The following DNAJA3 variants were observed in gnomAD, a reference collection of about 807,000 sequenced individuals.
DNAJA3 encodes DnaJ heat shock protein family (Hsp40) member A3.
DNAJA3 carries 29 observed loss-of-function variants against 54.9 expected under a neutral mutation model. The observed-to-expected ratio is 0.53, with a 90% CI of 0.39 to 0.72. The LOEUF is 0.72. DNAJA3 is among the 30% of genes least tolerant of loss of function. The probability of loss-of-function intolerance (pLI) is 0.00; values close to 1 mark genes in which losing one functional copy is unlikely to be tolerated. For synonymous variants in DNAJA3, 302 were observed against 251.4 expected (o/e 1.20, Z -1.90); for missense variants, 708 against 639.4 (o/e 1.11, Z -1.16).
At chr16:4,437,830 G>A (rs1467012858) in intron 3 of DNAJA3, among the ~76,000 whole-genome samples, 5 of 150,764 alleles carry the variant, frequency 3.3e-5, no homozygotes, top group Admixed American at 1.3e-4. Context: ...TGGCGCACCT[G>A]TAAACCCAGC....
intron 3 of DNAJA3, among the ~76,000 whole-genome samples, chr16:4,438,347 T>C (rs2056797682): frequency 6.6e-6 from 1 of 151,812 alleles, no homozygotes; most frequent in African/African-American, 2.4e-5. Flanking sequence ...GATCCAATAA[T>C]CTGTACTAAT....
chr16:4,442,631 G>GGGGGC, intron 5 of DNAJA3: 2 of 561,780 alleles, frequency 3.6e-6, no homozygotes, highest in Middle Eastern at 4.8e-4. Context: ...CAGCAGCTCC[G>GGGGGC]GGGGCGGGGC....
At chr16:4,430,697 T>C (rs1402353756) in intron 1 of DNAJA3, 1 of 152,120 alleles carries the variant, frequency 6.6e-6, no homozygotes, top group African/African-American at 2.4e-5. Flanking sequence ...AAATAAATAG[T>C]CTATTAAATG....
intron 2 of DNAJA3, 93 bp from the exon 3 acceptor site, chr16:4,437,309 G>T: frequency 9.7e-7 from 1 of 1,032,550 alleles, no homozygotes. Context: ...ATTATGACTG[G>T]TATTTGGGGT....
At chr16:4,440,645 A>G (rs2056827072) in intron 3 of DNAJA3, 1 of 151,504 alleles carries the variant, frequency 6.6e-6, no homozygotes, top group Non-Finnish European at 1.5e-5. Context: ...GTCCCTCCCT[A>G]ATCCCCCTTT....
intron 7 of DNAJA3, among the ~76,000 whole-genome samples, chr16:4,446,634 C>T (rs2056905092): frequency 6.6e-6 from 1 of 152,082 alleles, no homozygotes; most frequent in African/African-American, 2.4e-5. Flanking sequence ...CTGAGGAAAT[C>T]CAGGCACGCT....
chr16:4,453,212 G>T (rs2056996989), intron 10 of DNAJA3, among the ~76,000 whole-genome samples: 1 of 152,052 alleles, frequency 6.6e-6, no homozygotes, highest in Non-Finnish European at 1.5e-5. Flanking sequence ...GAGCCACTGT[G>T]CCTGACCAGC....
intron 6 of DNAJA3, among the ~76,000 whole-genome samples, chr16:4,443,908 G>A (rs2056869693): frequency 6.6e-6 from 1 of 152,234 alleles, no homozygotes. Flanking sequence ...GGATGGTCTC[G>A]ATCTCCTGAC....
chr16:4,450,590 T>A, intron 10 of DNAJA3, 93 bp downstream of exon 10: 1 of 978,480 alleles, frequency 1.0e-6, no homozygotes, highest in Non-Finnish European at 1.5e-6. Flanking sequence ...GGTTTCCACT[T>A]CGGGTTCTTC....
rs144482908 is a variant in DNAJA3 at position 4,452,906 on chromosome 16, G to A, written c.1340-1905G>A. 3.3e-5 allele frequency among the ~76,000 whole-genome samples: 5 copies of A among 152,310 alleles called. 1 individual carries two copies. The South Asian group carries it at 8.3e-4, about 25-fold the overall frequency. ...AGCCTGGGTGCCAGGGCAAGACTCT[G>A]TCCCTAAGCATACACCGTCACATGT... On this transcript the variant is annotated intron_variant, in intron 10 of 11. Coordinates refer to ENST00000262375, the MANE Select transcript of DNAJA3 (RefSeq NM_005147.6).
chr16:4,453,997 T>C (rs952717828), intron 10 of DNAJA3, among the ~76,000 whole-genome samples: 5 of 152,234 alleles, frequency 3.3e-5, no homozygotes, highest in Non-Finnish European at 7.3e-5. Flanking sequence ...GGCAAATCTG[T>C]AACACGTTTG....
chr16:4,429,033 C>T (rs574541042), intron 1 of DNAJA3, among the ~76,000 whole-genome samples: 1 of 151,772 alleles, frequency 6.6e-6, no homozygotes, highest in East Asian at 1.9e-4. Flanking sequence ...GGACTACAGG[C>T]ACCTGCAACC....
chr16:4,428,778 C>A (rs569701306), intron 1 of DNAJA3, among the ~76,000 whole-genome samples: 1 of 152,052 alleles, frequency 6.6e-6, no homozygotes, highest in South Asian at 2.1e-4. Flanking sequence ...TGGCTCACGA[C>A]TGTAATTCCA....
intron 3 of DNAJA3, among the ~76,000 whole-genome samples, chr16:4,437,963 A>C (rs1396963557): frequency 1.3e-5 from 2 of 151,806 alleles, no homozygotes; most frequent in Non-Finnish European, 2.9e-5. Context: ...CTCAAAAAAT[A>C]AAAAATTAAA....
At chr16:4,428,776 G>C (rs1157855861) in intron 1 of DNAJA3, among the ~76,000 whole-genome samples, 1 of 151,984 alleles carries the variant, frequency 6.6e-6, no homozygotes, top group Non-Finnish European at 1.5e-5. Context: ...GGTGGCTCAC[G>C]ACTGTAATTC....
At chr16:4,435,780 A>G (rs1231730182) in intron 2 of DNAJA3, among the ~76,000 whole-genome samples, 1 of 152,258 alleles carries the variant, frequency 6.6e-6, no homozygotes, top group Non-Finnish European at 1.5e-5. Flanking sequence ...CAGTGCTGCT[A>G]TATAGACATT....
intron 8 of DNAJA3, chr16:4,447,589 C>G (rs2056918499): frequency 6.5e-6 from 1 of 152,826 alleles, no homozygotes; most frequent in Admixed American, 6.5e-5. Flanking sequence ...GGGGCTATTC[C>G]CTGGCTTCTC....
Position 4,446,401 on chromosome 16 carries a change from A to T in DNAJA3, c.997-485A>T, listed in dbSNP as rs2056902777. Among the ~76,000 whole-genome samples, 9 of 150,784 alleles carry T rather than the reference A, an allele frequency of 6.0e-5. No individual in the cohort carries two copies. In the South Asian group the frequency reaches 1.9e-3, roughly 32 times the overall value. On this transcript the variant is annotated intron_variant, in intron 7 of 11. Coordinates refer to ENST00000262375, the MANE Select transcript of DNAJA3 (RefSeq NM_005147.6). ...TGGGATTACAGGGGCCCGCCACCACACCTGGTTAATTTTTGTATTTTTAGT... is the reference window on the plus strand; with the variant it reads ...TGGGATTACAGGGGCCCGCCACCACTCCTGGTTAATTTTTGTATTTTTAGT...
intron 10 of DNAJA3, among the ~76,000 whole-genome samples, chr16:4,451,894 AC>A (rs1166849310): frequency 2.1e-5 from 2 of 96,150 alleles, no homozygotes; most frequent in Non-Finnish European, 5.4e-5. Context: ...CCCTGTCTCT[AC>A]TAAAAAAAAA....
Sources: gnomAD v4.1 joint callset for allele counts (sites outside exome capture counted in the v4.1 genomes callset) on GRCh38, gnomAD v4.1.1 for gene constraint, MANE v1.5 for transcripts, NCBI Gene and HGNC (gene_info 2026-07-23, HGNC 2026-07-21) for gene names.